LMX1B: variants seen among roughly 807,000 people sequenced by gnomAD.
The protein encoded by LMX1B is LIM homeobox transcription factor 1 beta.
LMX1B carries 12 observed loss-of-function variants against 51.4 expected under a neutral mutation model. The ratio of observed to expected loss-of-function variants is 0.23; its 90% CI spans 0.15 to 0.38. The LOEUF (loss-of-function observed/expected upper bound fraction) is 0.38. LMX1B is among the 10% of genes least tolerant of loss of function. LMX1B has a pLI of 1.00. For synonymous variants in LMX1B, 237 were observed against 235.4 expected, an observed-to-expected ratio of 1.01 and a Z score of -0.06; for missense variants, 445 against 571.1, an observed-to-expected ratio of 0.78 and a Z score of 2.25.
chr9:126,645,922 G>T (rs984304867), intron 2 of LMX1B, among the ~76,000 whole-genome samples: 4 of 152,152 alleles, frequency 2.6e-5, no homozygotes, highest in African/African-American at 9.7e-5. Context: ...CAGCCCCACC[G>T]TGCCCCTGAG....
chr9:126,653,964 C>G (rs1836066558), intron 2 of LMX1B, among the ~76,000 whole-genome samples: 1 of 152,164 alleles, frequency 6.6e-6, no homozygotes, highest in Admixed American at 6.5e-5. Context: ...CCCCTTCTCT[C>G]CATTGGACCT....
chr9:126,659,784 T>C (rs1244108003), intron 2 of LMX1B, among the ~76,000 whole-genome samples: 1 of 152,184 alleles, frequency 6.6e-6, no homozygotes, highest in Non-Finnish European at 1.5e-5. Context: ...TGGGAATGTC[T>C]ACACTGGCTT....
chr9:126,628,200 G>C (rs939382626), intron 2 of LMX1B, among the ~76,000 whole-genome samples: 2 of 152,208 alleles, frequency 1.3e-5, no homozygotes, highest in Admixed American at 1.3e-4. Context: ...GTCATGGGGA[G>C]GCCAGAGGCC....
intron 2 of LMX1B, among the ~76,000 whole-genome samples, chr9:126,638,343 C>T (rs1252248002): frequency 1.3e-5 from 2 of 152,104 alleles, no homozygotes; most frequent in East Asian, 3.9e-4. Context: ...AACGACGGGG[C>T]CTCCAGGGCT....
intron 2 of LMX1B, among the ~76,000 whole-genome samples, chr9:126,644,069 C>T (rs1012703009): frequency 2.6e-4 from 39 of 152,034 alleles, no homozygotes; most frequent in Middle Eastern, 3.2e-3. Flanking sequence ...AGAAGAGGCC[C>T]GGCTGATAAA....
intron 2 of LMX1B, among the ~76,000 whole-genome samples, chr9:126,661,762 C>T (rs1588287676): frequency 6.6e-6 from 1 of 152,100 alleles, no homozygotes; most frequent in South Asian, 2.1e-4. Context: ...CTTGGCCTGC[C>T]CCTCTCTATC....
rs1835502095 is a variant in LMX1B at position 126,625,341 on chromosome 9, C to G, written c.326+9772C>G. 3.3e-5 allele frequency among the ~76,000 whole-genome samples: 5 copies of G among 152,324 alleles called. No homozygotes were observed. The South Asian group carries it at 1.0e-3, about 32-fold the overall frequency. On this transcript the variant is annotated intron_variant, in intron 2 of 7. Transcript: ENST00000373474. The surrounding 1 kb of genome is among the most constrained non-coding windows in gnomAD (Gnocchi z 5.3). ...GAAAATGGGGACAGTGACCCCACGA[C>G]TAGAGGATGAATGGGGGGAGGGTTA...
chr9:126,668,059 G>A (rs7873439), intron 2 of LMX1B, among the ~76,000 whole-genome samples: 28,984 of 152,056 alleles, frequency 0.19, 3,840 homozygotes, highest in African/African-American at 0.38. Flanking sequence ...GAAGGTGAGA[G>A]GGGGGCAGGT....
At chr9:126,639,239 T>A (rs1419547550) in intron 2 of LMX1B, among the ~76,000 whole-genome samples, 1 of 152,152 alleles carries the variant, frequency 6.6e-6, no homozygotes, top group Non-Finnish European at 1.5e-5. Context: ...CCAGATGGGC[T>A]GGAGCCCAGT....
In LMX1B at chr9:126,673,279, T is replaced by A. The variant is rs1836493044; in HGVS notation, c.327-17557T>A. Among the ~76,000 whole-genome samples, 1 of 152,026 alleles carries A rather than the reference T, an allele frequency of 6.6e-6. No individual in the cohort carries two copies. The highest frequency in any genetic ancestry group is 6.5e-5 in the Admixed American group (1 of 15,276). On this transcript the variant is annotated intron_variant, in intron 2 of 7. Transcript: ENST00000373474. This position sits in a 1 kb window ranked among gnomAD's most constrained non-coding sequence, Gnocchi z 4.4. Reference sequence around the variant, plus strand: ...AGGGAAAGGGCATTGAGGGGACCTGTCAGAGTGAATGGGGAGCCACCCACA... The same window carrying A: ...AGGGAAAGGGCATTGAGGGGACCTGACAGAGTGAATGGGGAGCCACCCACA...
In LMX1B at chr9:126,696,388, G is replaced by A. The variant is rs1313682663; in HGVS notation, c.1146G>A (p.Gln382=). Residue 382 remains glutamine (Q), a synonymous_variant, in exon 8 of 8, where the codon CAG becomes CAA. Transcript: ENST00000373474. Reference sequence around the variant, plus strand: ...GCTCCTCAGACGTGGGCTCCCTGCAGGCCCGCGTGGGGAACCCCATCGACC... The same window carrying A: ...GCTCCTCAGACGTGGGCTCCCTGCAAGCCCGCGTGGGGAACCCCATCGACC... ...FLGSSDVGSL[Q]ARVGNPIDRL... The A allele has an allele frequency of 6.2e-7, 1 of 1,614,010 alleles. No homozygotes were observed. Among genetic ancestry groups the A allele is most frequent in the Non-Finnish European group, 8.5e-7 (1 of 1,179,996 alleles).
At chr9:126,674,236 A>G (rs1057253420) in intron 2 of LMX1B, among the ~76,000 whole-genome samples, 1 of 152,074 alleles carries the variant, frequency 6.6e-6, no homozygotes, top group Non-Finnish European at 1.5e-5. Flanking sequence ...GGGGCAGAAT[A>G]TGTCTCTGAG....
chr9:126,697,163 AGG>A lies in LMX1B; in HGVS notation c.*713_*714del, dbSNP rs1476966884. 2 of 152,486 alleles carry A rather than the reference AGG, an allele frequency of 1.3e-5. No homozygotes were observed. The highest frequency in any genetic ancestry group is 1.9e-4 in the East Asian group (1 of 5,194). 9.4% of individuals were successfully genotyped at this position (152,486 alleles called of 1,614,324 possible). ...TGTCCTGCCTTGTCAGAAAGAGAAAAGGAGGCCAGGCAGGGGACCCCCCAGTT... is the reference window on the plus strand; with the variant it reads ...TGTCCTGCCTTGTCAGAAAGAGAAAAAGGCCAGGCAGGGGACCCCCCAGTT... On this transcript the variant is annotated 3_prime_UTR_variant, in exon 8 of 8. Transcript: ENST00000373474.
At chr9:126,669,775 G>A (rs936170196) in intron 2 of LMX1B, among the ~76,000 whole-genome samples, 14 of 152,168 alleles carry the variant, frequency 9.2e-5, no homozygotes, top group African/African-American at 3.1e-4. Context: ...TGGGTCAGTT[G>A]TCTCTAGGGC....
At chr9:126,664,101 G>C (rs1442056958) in intron 2 of LMX1B, among the ~76,000 whole-genome samples, 1 of 152,126 alleles carries the variant, frequency 6.6e-6, no homozygotes, top group African/African-American at 2.4e-5. Context: ...GGGATACCAG[G>C]TGGAGGATGC....
chr9:126,652,864 A>G (rs990931418), intron 2 of LMX1B, among the ~76,000 whole-genome samples: 1 of 152,178 alleles, frequency 6.6e-6, no homozygotes, highest in African/African-American at 2.4e-5. Context: ...AAGAGGCTCC[A>G]TGGATGCTGA....
At chr9:126,639,802 G>A (rs1171844549) in intron 2 of LMX1B, among the ~76,000 whole-genome samples, 1 of 152,188 alleles carries the variant, frequency 6.6e-6, no homozygotes, top group African/African-American at 2.4e-5. Context: ...TATTTGGTTG[G>A]CCTGTCGATT....
rs1588312590 is a variant in LMX1B at position 126,699,491 on chromosome 9, C to G, written c.*3040C>G. 6.6e-6 allele frequency: 1 copy of G among 152,382 alleles called. No homozygotes were observed. The highest frequency in any genetic ancestry group is 1.9e-4 in the East Asian group (1 of 5,178). 9.4% of individuals were successfully genotyped at this position (152,382 alleles called of 1,614,324 possible). A position where few individuals can be genotyped will look rare whatever the true frequency, so the allele number is the denominator to read the frequency against. On this transcript the variant is annotated 3_prime_UTR_variant, in exon 8 of 8. Coordinates refer to ENST00000373474, the MANE Select transcript of LMX1B (RefSeq NM_001174147.2). The stretch of plus-strand genomic sequence containing the variant: ...AGACTGTTAAAGCCAGAAGGGACCT[C>G]AGAGAGTCCCTTATGCTGGAGGCGC...
At chr9:126,661,510 A>C (rs1836245549) in intron 2 of LMX1B, among the ~76,000 whole-genome samples, 2 of 152,190 alleles carry the variant, frequency 1.3e-5, no homozygotes, top group African/African-American at 4.8e-5. Flanking sequence ...GTGGGGCAGC[A>C]GGAGCAGGTT....
Sources: gnomAD v4.1 joint callset for allele counts (sites outside exome capture counted in the v4.1 genomes callset) on GRCh38, gnomAD v4.1.1 for gene constraint, Gnocchi (gnomAD v3.1) non-coding constraint, MANE v1.5 for transcripts, NCBI Gene and HGNC (gene_info 2026-07-23, HGNC 2026-07-21) for gene names.